Variants in ZNF608 observed in about 807,000 individuals in gnomAD.
ZNF608 encodes renal carcinoma antigen NY-REN-36.
In ZNF608, 12 loss-of-function variants were observed where a neutral mutation model predicts 109.0. That is an observed-to-expected ratio of 0.11 (90% CI 0.07 to 0.18). The LOEUF is 0.18. Among genes scored for constraint, ZNF608 ranks in the 10% least tolerant of loss-of-function variants. The probability of loss-of-function intolerance (pLI) is 1.00; values close to 1 mark genes in which losing one functional copy is unlikely to be tolerated. For synonymous variants in ZNF608, 732 were observed against 717.4 expected (o/e 1.02, Z -0.33); for missense variants, 1,707 against 1,879.3 (o/e 0.91, Z 1.70).
chr5:124,677,375 T>G (rs193108559), intron 3 of ZNF608, among the ~76,000 whole-genome samples: 20 of 152,260 alleles, frequency 1.3e-4, no homozygotes, highest in African/African-American at 4.8e-4. Context: ...GAGCGAGAAC[T>G]CTCCTCTTCT....
In ZNF608 at chr5:124,724,496, CAAAAAAAAA is replaced by C. The variant is rs5871102; in HGVS notation, c.906+19579_906+19587del. ...AAACCCAGGGAGTATGCAAAGAGTG[CAAAAAAAAA>C]AAAAAAAAAAGACTGGCATTTCTAT... On this transcript the variant is annotated intron_variant, in intron 2 of 9. Transcript: ENST00000513986. Among the ~76,000 whole-genome samples, 4 of 100,088 alleles carry C rather than the reference CAAAAAAAAA, an allele frequency of 4.0e-5. No homozygotes were observed. The South Asian group carries it at 1.6e-3, about 40-fold the overall frequency. 65.7% of individuals were successfully genotyped at this position (100,088 alleles called of 152,430 possible). A position where few individuals can be genotyped will look rare whatever the true frequency, so the allele number is the denominator to read the frequency against.
rs191740276 is a variant in ZNF608, at chr5:124,646,038, T to C, written c.3705+641A>G. Among the ~76,000 whole-genome samples, 130 of 152,170 alleles carry C rather than the reference T, an allele frequency of 8.5e-4. 1 individual carries two copies. Among genetic ancestry groups the C allele is most frequent in the African/African-American group, 3.0e-3 (126 of 41,522 alleles). ...GTTAGAAGAGAATTCAGCAGCCCCA[T>C]TGTGGAAAGCCCTCGCCTTGGACTA... On this transcript the variant is annotated intron_variant, in intron 5 of 9. Transcript: ENST00000513986.
At chr5:124,732,626 C>T (rs1187096400) in intron 2 of ZNF608, among the ~76,000 whole-genome samples, 4 of 151,892 alleles carry the variant, frequency 2.6e-5, no homozygotes, top group African/African-American at 9.7e-5. Flanking sequence ...TACCACTTCA[C>T]TGCTGTTGCT....
intron 3 of ZNF608, among the ~76,000 whole-genome samples, chr5:124,695,422 T>A (rs1409811451): frequency 6.6e-6 from 1 of 152,206 alleles, no homozygotes; most frequent in African/African-American, 2.4e-5. Context: ...AGAATGAGAA[T>A]AACAATACCA....
intron 3 of ZNF608, among the ~76,000 whole-genome samples, chr5:124,673,575 T>TAG: frequency 6.6e-6 from 1 of 151,148 alleles, no homozygotes; most frequent in African/African-American, 2.4e-5. Flanking sequence ...TCTTTTTTTT[T>TAG]GTTGTTCATT....
chr5:124,696,056 T>G (rs1279266392), intron 3 of ZNF608, among the ~76,000 whole-genome samples: 1 of 151,886 alleles, frequency 6.6e-6, no homozygotes, highest in Admixed American at 6.6e-5. Context: ...TGGTGGCGCA[T>G]GCCTGTAATC....
At chr5:124,731,493 G>A (rs1476376227) in intron 2 of ZNF608, among the ~76,000 whole-genome samples, 3 of 152,076 alleles carry the variant, frequency 2.0e-5, no homozygotes, top group African/African-American at 7.2e-5. Context: ...TTACAGGCGT[G>A]AGCCACCGCG....
chr5:124,656,799 AACACACACACACACACACACACAC>A (rs35634231), intron 3 of ZNF608, among the ~76,000 whole-genome samples: 284 of 123,980 alleles, frequency 2.3e-3, no homozygotes, highest in Non-Finnish European at 3.4e-3. Context: ...ATAAGCCCTA[AACACACACACACACACACACACAC>A]ACACACACAC....
intron 3 of ZNF608, among the ~76,000 whole-genome samples, chr5:124,683,123 A>G (rs1379822338): frequency 1.3e-5 from 2 of 152,108 alleles, no homozygotes; most frequent in East Asian, 1.9e-4. Flanking sequence ...TAGCAAGTCA[A>G]ATTGCCCCGT....
intron 2 of ZNF608, among the ~76,000 whole-genome samples, chr5:124,740,836 T>C (rs906808650): frequency 1.3e-5 from 2 of 152,242 alleles, no homozygotes; most frequent in African/African-American, 4.8e-5. Flanking sequence ...TTTTGAGTTT[T>C]TGTATATATT....
At chr5:124,731,069 C>G (rs1482380259) in intron 2 of ZNF608, among the ~76,000 whole-genome samples, 1 of 152,222 alleles carries the variant, frequency 6.6e-6, no homozygotes, top group Non-Finnish European at 1.5e-5. Context: ...TAAACCTAGA[C>G]TGAGCATTCA....
intron 3 of ZNF608, among the ~76,000 whole-genome samples, chr5:124,668,619 C>G (rs1186809666): frequency 6.6e-6 from 1 of 152,118 alleles, no homozygotes; most frequent in Non-Finnish European, 1.5e-5. Context: ...ACAGCAGCCT[C>G]TGGGGTAGGT....
chr5:124,647,579 G>A lies in ZNF608; in HGVS notation c.2805C>T (p.Ser935=), dbSNP rs201940047. 4.6e-4 allele frequency: 736 copies of A among 1,614,228 alleles called. 11 individuals are homozygous for A. The South Asian group carries it at 5.7e-3, about 12-fold the overall frequency. ...CAGATATGTCTGAATAGGCCGGGCT[G>A]CTTGTCTTTGCAGCTGAACTCTCTG... The part of the protein sequence containing the change: ...NGAESSAAKT[S]SPAYSDISDA... The change falls in exon 5 of 10, where the codon AGC becomes AGT. Residue 935 remains serine, a synonymous_variant. Coordinates refer to ENST00000513986, the MANE Select transcript of ZNF608 (RefSeq NM_020747.3).
chr5:124,740,688 C>G (rs1749356832), intron 2 of ZNF608, among the ~76,000 whole-genome samples: 1 of 152,170 alleles, frequency 6.6e-6, no homozygotes, highest in Non-Finnish European at 1.5e-5. Flanking sequence ...GTAGACACCA[C>G]CTTTATGACC....
chr5:124,731,384 T>C (rs116467367), intron 2 of ZNF608, among the ~76,000 whole-genome samples: 1,750 of 152,248 alleles, frequency 0.011, 26 homozygotes, highest in African/African-American at 0.04. Flanking sequence ...CTAATTTTTG[T>C]ATTCTTTTAG....
chr5:124,725,551 G>A (rs1754106360), intron 2 of ZNF608, among the ~76,000 whole-genome samples: 1 of 152,044 alleles, frequency 6.6e-6, no homozygotes, highest in African/African-American at 2.4e-5. Flanking sequence ...ACACAAAATG[G>A]CCAAAGCTTC....
In ZNF608 at chr5:124,648,869, T is replaced by C. The variant is rs1750658562; in HGVS notation, c.1515A>G (p.Pro505=). Residue 505 remains proline (P), a synonymous_variant, in exon 5 of 10, where the codon CCA becomes CCG. Transcript: ENST00000513986. The part of the protein sequence containing the change: ...SSTNKRKNKP[P]MELDLNSSSE... ...AGCTGGAGTTCAGGTCCAGCTCCAT[T>C]GGAGGCTTGTTTTTCCTTTTGTTGG... is the stretch of plus-strand genomic sequence containing the variant. The C allele has an allele frequency of 2.5e-6, 4 of 1,613,878 alleles. No individual in the cohort carries two copies. Among genetic ancestry groups the C allele is most frequent in the Non-Finnish European group, 2.5e-6 (3 of 1,179,934 alleles).
chr5:124,679,799 G>T (rs1752118959), intron 3 of ZNF608, among the ~76,000 whole-genome samples: 1 of 152,212 alleles, frequency 6.6e-6, no homozygotes, highest in Admixed American at 6.5e-5. Context: ...ACAGAACATA[G>T]CAGTGTACCT....
chr5:124,648,139 G>A lies in ZNF608; in HGVS notation c.2245C>T (p.Leu749=). The A allele has an allele frequency of 1.9e-6, 3 of 1,613,920 alleles. No individual in the cohort carries two copies. Among genetic ancestry groups the A allele is most frequent in the Non-Finnish European group, 2.5e-6 (3 of 1,179,978 alleles). The stretch of plus-strand genomic sequence containing the variant: ...AAGGTTGCAGTGGGTATAGCGATTA[G>A]CTGCGGGGGAGTGGGGGCTGGGGCA... ...APAPAPTPPQ[L]IAIPTATFTT... is the part of the protein sequence containing the mutation. The change falls in exon 5 of 10, where the codon CTA becomes TTA. Residue 749 remains leucine, a synonymous_variant. Coordinates refer to ENST00000513986, the MANE Select transcript of ZNF608 (RefSeq NM_020747.3).
Sources: allele counts gnomAD v4.1 joint callset (sites outside exome capture counted in the v4.1 genomes callset), GRCh38; gene constraint gnomAD v4.1.1; transcripts MANE v1.5; gene names NCBI Gene and HGNC (gene_info 2026-07-23, HGNC 2026-07-21).